The following UCHL1 variants were observed in gnomAD, a reference collection of about 807,000 sequenced individuals.
The protein encoded by UCHL1 is ubiquitin C-terminal hydrolase L1.
UCHL1 carries 5 observed loss-of-function variants against 33.3 expected under a neutral mutation model. The ratio of observed to expected loss-of-function variants is 0.15; its 90% confidence interval spans 0.08 to 0.32. The LOEUF (loss-of-function observed/expected upper bound fraction) is 0.32, where lower values mean the gene tolerates loss of function less well. Ranked by LOEUF, UCHL1 falls within the 10% of genes least tolerant of loss-of-function variation. The probability of loss-of-function intolerance (pLI) is 1.00; values close to 1 mark genes in which losing one functional copy is unlikely to be tolerated. For missense variants in UCHL1, 236 were observed against 280.0 expected (o/e 0.84, Z 1.12); for synonymous variants, 132 against 108.8 (o/e 1.21, Z -1.33).
chr4:41,259,373 C>T (rs1008227787), intron 3 of UCHL1, among the ~76,000 whole-genome samples: 5 of 152,178 alleles, frequency 3.3e-5, no homozygotes, highest in Admixed American at 6.5e-5. Context: ...TGGAAGAGCT[C>T]AAGCAGCCCT....
intron 2 of UCHL1, 168 bp downstream of exon 2, chr4:41,257,294 G>T (rs922404716): frequency 1.7e-6 from 2 of 1,183,770 alleles, no homozygotes; most frequent in Non-Finnish European, 1.2e-6. Context: ...GCATTTAGCG[G>T]GTGACTCTAC....
At chr4:41,258,466 T>G (rs1781019242) in intron 3 of UCHL1, among the ~76,000 whole-genome samples, 1 of 152,166 alleles carries the variant, frequency 6.6e-6, no homozygotes, top group Non-Finnish European at 1.5e-5. Flanking sequence ...CTCCTACAAG[T>G]GTGCATGGAT....
At position 41,256,952 on chromosome 4, in the gene UCHL1, T is replaced by C. The variant is rs1780982671; in HGVS notation, c.-25T>C. 6.2e-7 allele frequency: 1 copy of C among 1,613,970 alleles called. No individual in the cohort carries two copies. Among genetic ancestry groups the C allele is most frequent in the Admixed American group, 1.7e-5 (1 of 60,008 alleles). On this transcript the variant is annotated 5_prime_UTR_variant, in exon 1 of 9. Coordinates refer to ENST00000284440, the MANE Select transcript of UCHL1 (RefSeq NM_004181.5). The stretch of plus-strand genomic sequence containing the variant: ...TAGCTGTTTTTCGTCTTCCCTAGGC[T>C]ATTTCTGCCGGGCGCTCCGCGAAGA...
At chr4:41,263,127 A>G (rs1411861676) in intron 6 of UCHL1, 98 bp from the exon 7 acceptor site, 5 of 943,430 alleles carry the variant, frequency 5.3e-6, no homozygotes, top group Non-Finnish European at 5.2e-6. Flanking sequence ...TATAATTTCT[A>G]AAAATCAAGT....
In UCHL1 at chr4:41,256,969, C is replaced by T. The variant is rs751596305; in HGVS notation, c.-8C>T. On this transcript the variant is annotated 5_prime_UTR_variant, in exon 1 of 9. Coordinates refer to ENST00000284440, the MANE Select transcript of UCHL1 (RefSeq NM_004181.5). ...CCCTAGGCTATTTCTGCCGGGCGCT[C>T]CGCGAAGATGCAGCTCAAGCCGATG... 1.4e-5 allele frequency: 23 copies of T among 1,614,064 alleles called. No homozygotes were observed. Among genetic ancestry groups the T allele is most frequent in the Admixed American group, 1.0e-4 (6 of 60,016 alleles).
chr4:41,265,321 A>G (rs1781134322), intron 8 of UCHL1, among the ~76,000 whole-genome samples: 1 of 152,206 alleles, frequency 6.6e-6, no homozygotes, highest in African/African-American at 2.4e-5. Context: ...GCTCATGCCT[A>G]TAATCCCAGC....
rs189095110 is a variant in UCHL1, at chr4:41,266,587, G to A, written c.586-1400G>A. 3.9e-5 allele frequency among the ~76,000 whole-genome samples: 6 copies of A among 152,168 alleles called. No individual in the cohort carries two copies. In the East Asian group the frequency reaches 1.2e-3, roughly 29 times the overall value. ...GAATACTGATATATTAAAAAACTTG[G>A]TAGAGGATAAAATGTTGATGTCAAT... On this transcript the variant is annotated intron_variant, in intron 8 of 8. Coordinates refer to ENST00000284440, the MANE Select transcript of UCHL1 (RefSeq NM_004181.5).
In UCHL1 at chr4:41,268,311, T is replaced by C. The variant is rs1781186919; in HGVS notation, c.*238T>C. ...TGAAGCATTCTCCCCAGTGTATGTCTTGTATCCGATATCTAACGCTTTAAA... is the reference window on the plus strand; with the variant it reads ...TGAAGCATTCTCCCCAGTGTATGTCCTGTATCCGATATCTAACGCTTTAAA... On this transcript the variant is annotated 3_prime_UTR_variant, in exon 9 of 9. Coordinates refer to ENST00000284440, the MANE Select transcript of UCHL1 (RefSeq NM_004181.5). The C allele has an allele frequency of 5.2e-6, 3 of 578,562 alleles. No individual in the cohort carries two copies. The South Asian group carries it at 6.2e-5, about 12-fold the overall frequency. The allele number at this position is 578,562 out of a possible 1,614,324, so 35.8% of individuals were successfully genotyped here. A position where few individuals can be genotyped will look rare whatever the true frequency, so the allele number is the denominator to read the frequency against.
At chr4:41,264,064 A>T (rs756737629) in intron 7 of UCHL1, 39 bp from the exon 8 acceptor site, 2 of 1,614,068 alleles carry the variant, frequency 1.2e-6, no homozygotes, top group South Asian at 2.2e-5. Context: ...GCCAGAAAAC[A>T]TGCAGAGAAA....
At chr4:41,262,832 T>C (rs940434720) in intron 6 of UCHL1, among the ~76,000 whole-genome samples, 2 of 152,140 alleles carry the variant, frequency 1.3e-5, no homozygotes, top group Admixed American at 1.3e-4. Flanking sequence ...TCTTGAACTC[T>C]TGTGAGCTCA....
chr4:41,257,141 G>C lies in UCHL1; in HGVS notation c.45+15G>C, dbSNP rs1158887530. ...TGCTGAACAAAGTGAGTGGCGTCTC[G>C]CGCCGTCTCTGGCCCCCTCCCCCGC... On this transcript the variant is annotated intron_variant, in intron 2 of 8. Transcript: ENST00000284440. 2.5e-6 allele frequency: 4 copies of C among 1,612,182 alleles called. No homozygotes were observed. The highest frequency in any genetic ancestry group is 3.4e-6 in the Non-Finnish European group (4 of 1,179,832).
intron 2 of UCHL1, 193 bp downstream of exon 2, chr4:41,257,319 G>C (rs1183937404): frequency 2.5e-5 from 26 of 1,032,842 alleles, no homozygotes; most frequent in Non-Finnish European, 3.4e-5. Flanking sequence ...CCGGTCACGG[G>C]GAGACGGAGG....
intron 8 of UCHL1, among the ~76,000 whole-genome samples, chr4:41,266,533 G>T (rs1781157301): frequency 6.6e-6 from 1 of 152,136 alleles, no homozygotes; most frequent in South Asian, 2.1e-4. Context: ...ATGTCCTATA[G>T]TAAGGTCAAT....
rs890487325 is a variant in UCHL1, at chr4:41,257,118, C to T, written c.37C>T (p.Leu13=). The change falls in exon 2 of 9, where the codon CTG becomes TTG. Residue 13 remains leucine, a synonymous_variant. Transcript: ENST00000284440. ...LKPMEINPEM[L]NKVLSRLGVA... ...TTTCTTTGCATTTGCCTTTCAGATG[C>T]TGAACAAAGTGAGTGGCGTCTCGCG... is the stretch of plus-strand genomic sequence containing the variant. The T allele has an allele frequency of 1.7e-5, 28 of 1,613,514 alleles. No individual in the cohort carries two copies. The highest frequency in any genetic ancestry group is 2.3e-5 in the Non-Finnish European group (27 of 1,179,910).
In UCHL1 at chr4:41,261,922, G is replaced by A. The variant is rs771734476; in HGVS notation, c.458G>A (p.Arg153Gln). The stretch of plus-strand genomic sequence containing the variant: ...GCCGTGGCACAGGAAGGCCAATGTC[G>A]GGTAAATGCAAATACAAATCGGAGC... ...HDAVAQEGQC[R>Q]VDDKVNFHFI... Residue 153 changes from arginine (R) to glutamine (Q), a missense_variant and splice_region_variant, in exon 6 of 9, where the codon CGG becomes CAG. By Grantham distance (43) the Arg-to-Gln change is conservative. Coordinates refer to ENST00000284440, the MANE Select transcript of UCHL1 (RefSeq NM_004181.5). 9 of 1,614,028 alleles carry A rather than the reference G, an allele frequency of 5.6e-6. No homozygotes were observed. Among genetic ancestry groups the A allele is most frequent in the African/African-American group, 2.7e-5 (2 of 75,026 alleles).
At chr4:41,262,378 A>G (rs1332660743) in intron 6 of UCHL1, among the ~76,000 whole-genome samples, 2 of 152,152 alleles carry the variant, frequency 1.3e-5, no homozygotes, top group Admixed American at 1.3e-4. Flanking sequence ...CCCTAGAGGC[A>G]GAGGTTGCAG....
intron 3 of UCHL1, among the ~76,000 whole-genome samples, chr4:41,259,164 A>G (rs1324324009): frequency 6.6e-6 from 1 of 152,240 alleles, no homozygotes; most frequent in Non-Finnish European, 1.5e-5. Context: ...TCGAGCGCCT[A>G]TTCTGCTACA....
At chr4:41,259,881 A>G (rs1375920117) in intron 3 of UCHL1, among the ~76,000 whole-genome samples, 1 of 152,208 alleles carries the variant, frequency 6.6e-6, no homozygotes, top group Non-Finnish European at 1.5e-5. Context: ...AAAAGTCCAG[A>G]TAGGCTTACT....
chr4:41,258,599 C>T (rs1781022229), intron 3 of UCHL1, among the ~76,000 whole-genome samples: 1 of 152,046 alleles, frequency 6.6e-6, no homozygotes, highest in South Asian at 2.1e-4. Flanking sequence ...CTATTGCTGT[C>T]ACTTGACCGC....
Sources: allele counts gnomAD v4.1 joint callset (sites outside exome capture counted in the v4.1 genomes callset), GRCh38; gene constraint gnomAD v4.1.1; transcripts MANE v1.5; gene names NCBI Gene and HGNC (gene_info 2026-07-23, HGNC 2026-07-21).